The following FUT9 variants were observed in gnomAD, a reference collection of about 807,000 sequenced individuals.
FUT9 encodes the protein fucosyltransferase 9.
FUT9 carries 15 observed loss-of-function variants against 29.7 expected under a neutral mutation model. The observed-to-expected ratio is 0.51, with a 90% CI of 0.34 to 0.78. FUT9 has a LOEUF of 0.78. Ranked by LOEUF, FUT9 falls within the 30% of genes least tolerant of loss-of-function variation. The pLI, the probability that FUT9 is intolerant of heterozygous loss-of-function variation, is 0.01. For synonymous variants in FUT9, 169 were observed against 153.7 expected, an observed-to-expected ratio of 1.10 and a Z score of -0.74; for missense variants, 319 against 425.4, an observed-to-expected ratio of 0.75 and a Z score of 2.20.
chr6:96,078,642 T>G (rs1771184220), intron 1 of FUT9, among the ~76,000 whole-genome samples: 1 of 151,740 alleles, frequency 6.6e-6, no homozygotes, highest in South Asian at 2.1e-4. Context: ...GGATGGTCTC[T>G]GTCTCCTGAC....
chr6:96,115,750 G>T (rs1468292496), intron 2 of FUT9, among the ~76,000 whole-genome samples: 1 of 152,144 alleles, frequency 6.6e-6, no homozygotes, highest in Non-Finnish European at 1.5e-5. Context: ...GACAGAAAAA[G>T]TCAAACCCTA....
intron 1 of FUT9, among the ~76,000 whole-genome samples, chr6:96,060,959 T>C (rs1770863573): frequency 6.6e-6 from 1 of 152,218 alleles, no homozygotes; most frequent in East Asian, 1.9e-4. Flanking sequence ...AGAGTAAATC[T>C]GTTGCCATTT....
rs1774010902 is a variant in FUT9, at chr6:96,215,009, C to A, written c.*10774C>A. On this transcript the variant is annotated 3_prime_UTR_variant, in exon 3 of 3. Coordinates refer to ENST00000302103, the MANE Select transcript of FUT9 (RefSeq NM_006581.4). ...AAATGAGGAGTAGTCAGTCCTAGCA[C>A]TGTAGACGCCGACTTTACCAACCAA... 6.0e-6 allele frequency: 1 copy of A among 167,000 alleles called. No individual in the cohort carries two copies. The highest frequency in any genetic ancestry group is 2.1e-4 in the South Asian group (1 of 4,830). The allele number at this position is 167,000 out of a possible 1,614,324, so 10.3% of individuals were successfully genotyped here.
intron 1 of FUT9, among the ~76,000 whole-genome samples, chr6:96,100,713 C>G (rs1028248580): frequency 1.3e-5 from 2 of 152,138 alleles, no homozygotes; most frequent in Non-Finnish European, 2.9e-5. Context: ...CCTTTCTTTT[C>G]CATGTTAAGT....
intron 2 of FUT9, among the ~76,000 whole-genome samples, chr6:96,202,352 A>G (rs1456921996): frequency 6.6e-6 from 1 of 152,166 alleles, no homozygotes; most frequent in African/African-American, 2.4e-5. Context: ...CTTAATACAA[A>G]GAAAAACTTT....
intron 1 of FUT9, among the ~76,000 whole-genome samples, chr6:96,048,657 G>A (rs943052711): frequency 1.3e-5 from 2 of 152,204 alleles, no homozygotes; most frequent in Non-Finnish European, 2.9e-5. Context: ...GAGGAGATGA[G>A]TGTATTCTCA....
At chr6:96,055,771 C>T (rs1317046741) in intron 1 of FUT9, among the ~76,000 whole-genome samples, 5 of 150,710 alleles carry the variant, frequency 3.3e-5, no homozygotes, top group Admixed American at 3.3e-4. Flanking sequence ...TCTCAAACTC[C>T]AGGCCTCAAG....
intron 1 of FUT9, among the ~76,000 whole-genome samples, chr6:96,089,842 G>C (rs566042856): frequency 1.2e-4 from 18 of 152,254 alleles, no homozygotes; most frequent in Non-Finnish European, 2.6e-4. Context: ...TGCATTATTA[G>C]TGCAAGGTAA....
At chr6:96,096,411 A>G (rs1458426284) in intron 1 of FUT9, among the ~76,000 whole-genome samples, 1 of 152,144 alleles carries the variant, frequency 6.6e-6, no homozygotes, top group Admixed American at 6.6e-5. Context: ...ATTTTAAAAT[A>G]TAAGTCAGCT....
chr6:96,134,768 A>C (rs996675969), intron 2 of FUT9, among the ~76,000 whole-genome samples: 2 of 151,960 alleles, frequency 1.3e-5, no homozygotes, highest in Admixed American at 1.3e-4. Flanking sequence ...AACCAGGAAC[A>C]ACTGATTCCA....
rs1324128175 is a variant in FUT9, at chr6:96,026,378, C to T, written c.-98+10166C>T. On this transcript the variant is annotated intron_variant, in intron 1 of 2. Transcript: ENST00000302103. ...TTGGAACAAATATATTGTATTTAAGCTGCAATATTAGAGTCTAAATTAGTA... is the reference window on the plus strand; with the variant it reads ...TTGGAACAAATATATTGTATTTAAGTTGCAATATTAGAGTCTAAATTAGTA... 2.0e-5 allele frequency among the ~76,000 whole-genome samples: 3 copies of T among 151,602 alleles called. No individual in the cohort carries two copies. The East Asian group carries it at 5.8e-4, about 29-fold the overall frequency.
At chr6:96,030,534 C>A (rs1376540377) in intron 1 of FUT9, among the ~76,000 whole-genome samples, 4 of 151,424 alleles carry the variant, frequency 2.6e-5, no homozygotes, top group African/African-American at 9.7e-5. Flanking sequence ...GGAAGGGATG[C>A]AAAATAGTAC....
chr6:96,108,291 G>C (rs1562127383), intron 1 of FUT9, among the ~76,000 whole-genome samples: 1 of 152,098 alleles, frequency 6.6e-6, no homozygotes, highest in South Asian at 2.1e-4. Flanking sequence ...GCAAGAGGCA[G>C]ACACATCACA....
intron 1 of FUT9, among the ~76,000 whole-genome samples, chr6:96,101,212 C>A (rs1771580252): frequency 1.3e-5 from 2 of 152,126 alleles, no homozygotes; most frequent in South Asian, 4.2e-4. Flanking sequence ...AAAATATCTT[C>A]AAGAATAATG....
chr6:96,124,764 C>A (rs377051947), intron 2 of FUT9, among the ~76,000 whole-genome samples: 2 of 152,136 alleles, frequency 1.3e-5, no homozygotes, highest in Non-Finnish European at 2.9e-5. Context: ...TATACTTCCA[C>A]CCCCATTCTT....
chr6:96,168,179 A>G (rs575185212), intron 2 of FUT9, among the ~76,000 whole-genome samples: 11 of 152,234 alleles, frequency 7.2e-5, no homozygotes, highest in African/African-American at 2.6e-4. Flanking sequence ...GATGAGCTTT[A>G]TTTGATGATT....
rs1008059456 is a variant in FUT9, at chr6:96,212,303, G to A, written c.*8068G>A. On this transcript the variant is annotated 3_prime_UTR_variant, in exon 3 of 3. Coordinates refer to ENST00000302103, the MANE Select transcript of FUT9 (RefSeq NM_006581.4). The stretch of plus-strand genomic sequence containing the variant: ...TGCCAGAGGATATGAGCTCATCTAG[G>A]ATGGAATACATGTCTCCAGGGACTG... The A allele has an allele frequency of 4.6e-5, 19 of 412,676 alleles. 1 individual carries two copies. Among genetic ancestry groups the A allele is most frequent in the Admixed American group, 3.5e-4 (8 of 22,664 alleles). The allele number at this position is 412,676 out of a possible 1,614,324, so 25.6% of individuals were successfully genotyped here. A position where few individuals can be genotyped will look rare whatever the true frequency, so the allele number is the denominator to read the frequency against.
intron 2 of FUT9, among the ~76,000 whole-genome samples, chr6:96,164,345 G>A (rs867277397): frequency 1.5e-5 from 2 of 134,168 alleles, no homozygotes; most frequent in South Asian, 2.5e-4. Context: ...TGCAACCTCC[G>A]CCTCCTGGGT....
In FUT9 at chr6:96,044,490, T is replaced by C. The variant is rs189857296; in HGVS notation, c.-98+28278T>C. On this transcript the variant is annotated intron_variant, in intron 1 of 2. Transcript: ENST00000302103. ...AAACATACAAATAAACAAATTGTATTTTCTAGCAGTGCTGCTGAATCAAAT... is the reference window on the plus strand; with the variant it reads ...AAACATACAAATAAACAAATTGTATCTTCTAGCAGTGCTGCTGAATCAAAT... Among the ~76,000 whole-genome samples the C allele has an allele frequency of 1.6e-3, 240 of 152,344 alleles. 1 individual carries two copies. The highest frequency in any genetic ancestry group is 3.4e-3 in the Admixed American group (52 of 15,304).
Sources: allele counts gnomAD v4.1 joint callset (sites outside exome capture counted in the v4.1 genomes callset), GRCh38; gene constraint gnomAD v4.1.1; transcripts MANE v1.5; gene names NCBI Gene and HGNC (gene_info 2026-07-23, HGNC 2026-07-21).